CKAP2L: variants seen among roughly 807,000 people sequenced by gnomAD.
The protein encoded by CKAP2L is cytoskeleton-associated protein 2-like.
In CKAP2L, 42 loss-of-function variants were observed where a neutral mutation model predicts 65.7. That is an observed-to-expected ratio of 0.64 (90% CI 0.50 to 0.83). The LOEUF (loss-of-function observed/expected upper bound fraction) is 0.83. Among genes scored for constraint, CKAP2L ranks in the 40% least tolerant of loss-of-function variants. The pLI, the probability that CKAP2L is intolerant of heterozygous loss-of-function variation, is 0.00. For synonymous variants in CKAP2L, 325 were observed against 313.5 expected (o/e 1.04, Z -0.39); for missense variants, 908 against 871.0 (o/e 1.04, Z -0.53).
intron 2 of CKAP2L, 54 bp from the exon 3 acceptor site, chr2:112,760,818 C>A: frequency 1.1e-6 from 1 of 918,728 alleles, no homozygotes; most frequent in African/African-American, 1.7e-5. Context: ...CTAAGCTAAG[C>A]TTGGGAAGTA....
At chr2:112,763,209 A>T (rs553745942) in intron 1 of CKAP2L, among the ~76,000 whole-genome samples, 2 of 152,326 alleles carry the variant, frequency 1.3e-5, no homozygotes, top group African/African-American at 4.8e-5. Context: ...CCAGGACTTG[A>T]AAACAGGCTT....
intron 5 of CKAP2L, among the ~76,000 whole-genome samples, chr2:112,750,064 G>A (rs1680319602): frequency 6.6e-6 from 1 of 152,174 alleles, no homozygotes; most frequent in Admixed American, 6.5e-5. Context: ...GCCCTGCAGG[G>A]CCTCTCCTCC....
intron 8 of CKAP2L, among the ~76,000 whole-genome samples, chr2:112,740,429 C>T (rs546266119): frequency 5.9e-5 from 9 of 152,266 alleles, no homozygotes; most frequent in African/African-American, 1.7e-4. Flanking sequence ...AAAAATAAAA[C>T]GTTTCTGACT....
At chr2:112,744,708 C>A (rs1192011989) in intron 6 of CKAP2L, among the ~76,000 whole-genome samples, 1 of 152,186 alleles carries the variant, frequency 6.6e-6, no homozygotes, top group East Asian at 1.9e-4. Flanking sequence ...GAACAGATTT[C>A]TCCAGATAAC....
chr2:112,740,337 C>T (rs1417937349), intron 8 of CKAP2L, among the ~76,000 whole-genome samples: 3 of 152,166 alleles, frequency 2.0e-5, no homozygotes, highest in Non-Finnish European at 4.4e-5. Context: ...TGGTGCTACA[C>T]TCACATTTTA....
intron 6 of CKAP2L, among the ~76,000 whole-genome samples, chr2:112,743,501 G>A (rs745820538): frequency 8.6e-5 from 13 of 151,784 alleles, no homozygotes; most frequent in Non-Finnish European, 1.6e-4. Flanking sequence ...GCAATGGTGC[G>A]GTATCGGCTC....
At position 112,756,924 on chromosome 2, in the gene CKAP2L, A is replaced by G; in HGVS notation, c.447T>C (p.Thr149=). ...CTTGATCTGTTAACTGCTGCTTTGT[A>G]GTTTTCAATTGCTCTATATTAAGTG... is the stretch of plus-strand genomic sequence containing the variant. ...VGSLNIEQLK[T]TKQQLTDQGN... The change falls in exon 4 of 9, where the codon ACT becomes ACC. Residue 149 remains threonine, a synonymous_variant. Transcript: ENST00000302450. 1 of 1,614,198 alleles carries G rather than the reference A, an allele frequency of 6.2e-7. No individual in the cohort carries two copies.
Position 112,756,355 on chromosome 2 carries a change from A to C in CKAP2L, c.1016T>G (p.Leu339Trp). The C allele has an allele frequency of 6.2e-7, 1 of 1,613,672 alleles. No individual in the cohort carries two copies. Among genetic ancestry groups the C allele is most frequent in the Non-Finnish European group, 8.5e-7 (1 of 1,179,808 alleles). ...TCTGTTGTTATATTCACCCTGAAGC[A>C]AACTGGGGTATGTTCTGGGTTTGGT... ...KHTKPRTYPS[L>W]LQGEYNNRHP... The change falls in exon 4 of 9, where the codon TTG becomes TGG. Residue 339 changes from leucine (L) to tryptophan (W), a missense_variant. Transcript: ENST00000302450.
Position 112,756,392 on chromosome 2 carries a change from T to C in CKAP2L, c.979A>G (p.Arg327Gly). 6.2e-7 allele frequency: 1 copy of C among 1,614,106 alleles called. No individual in the cohort carries two copies. Among genetic ancestry groups the C allele is most frequent in the South Asian group, 1.1e-5 (1 of 91,060 alleles). ...KIRSYPVTEQ[R>G]VKHTKPRTYP... ...GTTCTGGGTTTGGTGTGCTTCACTC[T>C]CTGTTCAGTAACAGGGTATGACCGT... Residue 327 changes from arginine to glycine, a missense_variant, in exon 4 of 9, where the codon AGA becomes GGA. Transcript: ENST00000302450.
At position 112,752,446 on chromosome 2, in the gene CKAP2L, T is replaced by G; in HGVS notation, c.1423A>C (p.Lys475Gln). The change falls in exon 5 of 9, where the codon AAG becomes CAG. Residue 475 changes from lysine to glutamine, a missense_variant. By Grantham distance (53) the Lys-to-Gln change is moderately conservative. Transcript: ENST00000302450. ...RKQLEEWQKS[K>Q]GKTYKRPPME... is the part of the protein sequence containing the mutation. Reference sequence around the variant, plus strand: ...GGAGGCCGTTTATAGGTTTTTCCCTTAGATTTCTGCCATTCTTCTAGTTGT... The same window carrying G: ...GGAGGCCGTTTATAGGTTTTTCCCTGAGATTTCTGCCATTCTTCTAGTTGT... 6.2e-7 allele frequency: 1 copy of G among 1,609,254 alleles called. No individual in the cohort carries two copies. The highest frequency in any genetic ancestry group is 8.5e-7 in the Non-Finnish European group (1 of 1,177,636).
chr2:112,742,634 T>C (rs891433603), intron 7 of CKAP2L, 72 bp downstream of exon 7: 46 of 1,031,136 alleles, frequency 4.5e-5, no homozygotes, highest in Non-Finnish European at 6.4e-5. Context: ...TTTCTTCTTT[T>C]TCCTATATGT....
chr2:112,752,459 T>C lies in CKAP2L; in HGVS notation c.1410A>G (p.Glu470=), dbSNP rs1680402986. 6.2e-7 allele frequency: 1 copy of C among 1,604,772 alleles called. No homozygotes were observed. The highest frequency in any genetic ancestry group is 8.5e-7 in the Non-Finnish European group (1 of 1,175,374). The part of the protein sequence containing the change: ...TAEDRRKQLE[E]WQKSKGKTYK... ...AGGTTTTTCCCTTAGATTTCTGCCA[T>C]TCTTCTAGTTGTTTCCTGAAATTCA... The change falls in exon 5 of 9, where the codon GAA becomes GAG. Residue 470 remains glutamate, a synonymous_variant. Transcript: ENST00000302450.
intron 2 of CKAP2L, among the ~76,000 whole-genome samples, chr2:112,761,936 C>T (rs1418139167): frequency 6.6e-6 from 1 of 152,128 alleles, no homozygotes; most frequent in African/African-American, 2.4e-5. Flanking sequence ...CAAATAAATA[C>T]TTAGCAACTC....
intron 7 of CKAP2L, among the ~76,000 whole-genome samples, chr2:112,741,311 C>A (rs1679946994): frequency 6.6e-6 from 1 of 152,058 alleles, no homozygotes; most frequent in Admixed American, 6.6e-5. Flanking sequence ...CTCAAGAGAG[C>A]TCTCTTAGGG....
At chr2:112,763,193 G>A (rs539439155) in intron 1 of CKAP2L, among the ~76,000 whole-genome samples, 1 of 152,250 alleles carries the variant, frequency 6.6e-6, no homozygotes, top group East Asian at 1.9e-4. Flanking sequence ...CTAATATGTG[G>A]CAATTCCAGG....
Position 112,756,468 on chromosome 2 carries a change from T to C in CKAP2L, c.903A>G (p.Lys301=), listed in dbSNP as rs1247984089. Residue 301 remains lysine, a synonymous_variant, in exon 4 of 9, where the codon AAA becomes AAG. Transcript: ENST00000302450. ...ATTGACTCCTATTAACCTTTATATC[T>C]TTGATGTTCTTGACTACTGGTTTCT... ...SSKKPVVKNI[K]DIKVNRSQYE... is the part of the protein sequence containing the mutation. 3 of 1,611,994 alleles carry C rather than the reference T, an allele frequency of 1.9e-6. No homozygotes were observed. In the East Asian group the frequency reaches 6.7e-5, roughly 36 times the overall value.
In CKAP2L at chr2:112,756,064, G is replaced by T. The variant is rs763593444; in HGVS notation, c.1307C>A (p.Ala436Asp). The T allele has an allele frequency of 6.2e-7, 1 of 1,614,022 alleles. No homozygotes were observed. Among genetic ancestry groups the T allele is most frequent in the East Asian group, 2.2e-5 (1 of 44,884 alleles). Residue 436 changes from alanine to aspartate, a missense_variant, in exon 4 of 9, where the codon GCT (alanine) becomes GAT (aspartate). Physicochemically the swap from Ala to Asp is moderately radical, Grantham distance 126. Transcript: ENST00000302450. ...VPQNHFLNKT[A>D]PKTQADVTTV... is the part of the protein sequence containing the mutation. ...TGTGACATCAGCTTGAGTTTTGGGA[G>T]CTGTCTTGTTCAGAAAATGGTTCTG...
At chr2:112,755,653 A>C (rs1028120742) in intron 4 of CKAP2L, among the ~76,000 whole-genome samples, 1 of 152,004 alleles carries the variant, frequency 6.6e-6, no homozygotes, top group Non-Finnish European at 1.5e-5. Context: ...ATTGCTGTTC[A>C]GTCTAGCACG....
intron 5 of CKAP2L, among the ~76,000 whole-genome samples, chr2:112,750,554 C>T (rs1196036583): frequency 6.6e-6 from 1 of 152,214 alleles, no homozygotes; most frequent in Non-Finnish European, 1.5e-5. Flanking sequence ...TACAACTTCA[C>T]TCCCCTCCCA....
Sources: gnomAD v4.1 joint callset for allele counts (sites outside exome capture counted in the v4.1 genomes callset) on GRCh38, gnomAD v4.1.1 for gene constraint, MANE v1.5 for transcripts, NCBI Gene and HGNC (gene_info 2026-07-23, HGNC 2026-07-21) for gene names.